MAPK10: variants seen among roughly 807,000 people sequenced by gnomAD.
MAPK10 encodes the protein mitogen-activated protein kinase 10, also known as JNK3 alpha protein kinase.
In MAPK10, 25 loss-of-function variants were observed where a neutral mutation model predicts 59.3. The ratio of observed to expected loss-of-function variants is 0.42; its 90% CI spans 0.31 to 0.59. The LOEUF is 0.59. Among genes scored for constraint, MAPK10 ranks in the 20% least tolerant of loss-of-function variants. The probability of loss-of-function intolerance (pLI) is 0.15; values close to 1 mark genes in which losing one functional copy is unlikely to be tolerated. For missense variants in MAPK10, 351 were observed against 568.9 expected, an observed-to-expected ratio of 0.62 and a Z score of 3.90; for synonymous variants, 190 against 200.5, an observed-to-expected ratio of 0.95 and a Z score of 0.44.
chr4:86,376,031 A>G (rs1223015395), intron 1 of MAPK10, among the ~76,000 whole-genome samples: 1 of 152,200 alleles, frequency 6.6e-6, no homozygotes, highest in African/African-American at 2.4e-5. Context: ...TCATTCTACC[A>G]TTAAATATTA....
chr4:86,023,570 T>C (rs1341842542), intron 13 of MAPK10, among the ~76,000 whole-genome samples: 1 of 152,072 alleles, frequency 6.6e-6, no homozygotes, highest in Non-Finnish European at 1.5e-5. Context: ...CCATGAGCAA[T>C]GAAATGTTTT....
intron 2 of MAPK10, among the ~76,000 whole-genome samples, chr4:86,303,753 T>A (rs867868840): frequency 4.6e-5 from 7 of 152,184 alleles, no homozygotes; most frequent in Non-Finnish European, 1.0e-4. Flanking sequence ...TGAACACGTG[T>A]CAAATATTTT....
chr4:86,570,771 G>C (rs555947932), intron 1 of MAPK10, among the ~76,000 whole-genome samples: 1 of 152,238 alleles, frequency 6.6e-6, no homozygotes, highest in South Asian at 2.1e-4. Flanking sequence ...AGACTTCCTG[G>C]AGTAGGTGAC....
chr4:86,200,662 C>T (rs912945899), intron 2 of MAPK10, among the ~76,000 whole-genome samples: 23 of 149,022 alleles, frequency 1.5e-4, no homozygotes, highest in Admixed American at 7.4e-4. Context: ...AGGGAAAATG[C>T]GTAGAGAAGA....
At chr4:86,447,387 C>G (rs1413535498) in intron 1 of MAPK10, among the ~76,000 whole-genome samples, 11 of 152,176 alleles carry the variant, frequency 7.2e-5, no homozygotes, top group Admixed American at 2.0e-4. Context: ...AGTTAAACCT[C>G]TTTCCTTTAT....
chr4:86,278,537 C>T (rs1235659406), intron 2 of MAPK10, among the ~76,000 whole-genome samples: 3 of 151,818 alleles, frequency 2.0e-5, no homozygotes, highest in Non-Finnish European at 2.9e-5. Context: ...CAGCAAAACC[C>T]GCTAGTAAAA....
rs567529751 is a variant in MAPK10 at position 86,015,771 on chromosome 4, A to C, written c.*1457T>G. 5.9e-5 allele frequency: 9 copies of C among 152,312 alleles called. No individual in the cohort carries two copies. The South Asian group carries it at 1.9e-3, about 32-fold the overall frequency. 9.4% of individuals were successfully genotyped at this position (152,312 alleles called of 1,614,324 possible). A position where few individuals can be genotyped will look rare whatever the true frequency, so the allele number is the denominator to read the frequency against. On this transcript the variant is annotated 3_prime_UTR_variant, in exon 14 of 14. Transcript: ENST00000641462. ...TTATTGCTCTTACATCTACTGCAGT[A>C]CAAAACTCAGATGATCAGCCCTTCG...
At chr4:86,111,044 A>G (rs916134254) in intron 4 of MAPK10, among the ~76,000 whole-genome samples, 1 of 152,140 alleles carries the variant, frequency 6.6e-6, no homozygotes, top group Admixed American at 6.6e-5. Flanking sequence ...ATTGGTGTAT[A>G]GAAATGCATG....
intron 1 of MAPK10, among the ~76,000 whole-genome samples, chr4:86,415,807 T>G (rs1414437583): frequency 6.6e-6 from 1 of 152,196 alleles, no homozygotes; most frequent in Admixed American, 6.5e-5. Context: ...CAGAATCTTA[T>G]AGGAACTTAC....
intron 11 of MAPK10, among the ~76,000 whole-genome samples, chr4:86,032,982 CT>C (rs2039406112): frequency 6.6e-6 from 1 of 152,046 alleles, no homozygotes; most frequent in Admixed American, 6.6e-5. Context: ...CAAAATGAGA[CT>C]CTCACACCAC....
intron 1 of MAPK10, among the ~76,000 whole-genome samples, chr4:86,497,798 C>CA (rs1181923989): frequency 2.0e-5 from 3 of 152,174 alleles, no homozygotes; most frequent in Admixed American, 2.0e-4. Context: ...CGCTAACAAT[C>CA]AGCACTTGCA....
intron 9 of MAPK10, among the ~76,000 whole-genome samples, chr4:86,087,835 CAA>C (rs1217086547): frequency 2.6e-5 from 4 of 151,850 alleles, no homozygotes; most frequent in Non-Finnish European, 5.9e-5. Context: ...TATTAATCCT[CAA>C]GTGTGTATAT....
Position 86,067,893 on chromosome 4 carries a change from T to G in MAPK10, c.865A>C (p.Lys289Gln). ...TAGTTTCTTACTGTGGGTTGCAATT[T>G]CTTCATGAATTCTGGACATGGTGTT... ...LGTPCPEFMKKLQPTVRNYVE... is the reference protein window; with the variant it reads ...LGTPCPEFMKQLQPTVRNYVE... The change falls in exon 10 of 14, where the codon AAA becomes CAA. Residue 289 changes from lysine to glutamine, a missense_variant. This residue lies in a region of MAPK10 where 76 missense variants were observed against 197.9 expected (regional missense o/e 0.38). Coordinates refer to ENST00000641462, the MANE Select transcript of MAPK10 (RefSeq NM_138982.4). The G allele has an allele frequency of 6.2e-7, 1 of 1,614,020 alleles. No individual in the cohort carries two copies. The highest frequency in any genetic ancestry group is 8.5e-7 in the Non-Finnish European group (1 of 1,179,904).
intron 1 of MAPK10, among the ~76,000 whole-genome samples, chr4:86,383,925 CTTT>C (rs1741102921): frequency 6.6e-6 from 1 of 152,146 alleles, no homozygotes. Context: ...GATTTATCTT[CTTT>C]GATTAATTTT....
At chr4:86,402,911 G>A (rs1743904687) in intron 1 of MAPK10, among the ~76,000 whole-genome samples, 1 of 152,136 alleles carries the variant, frequency 6.6e-6, no homozygotes, top group Admixed American at 6.6e-5. Flanking sequence ...GGATTTCAGA[G>A]AGCAGCATCT....
At chr4:86,486,693 T>C (rs900895412) in intron 1 of MAPK10, among the ~76,000 whole-genome samples, 23 of 152,236 alleles carry the variant, frequency 1.5e-4, no homozygotes, top group Non-Finnish European at 1.3e-4. Context: ...GAATTATCTT[T>C]GGATGCAAAG....
At chr4:86,535,389 T>C (rs1758158470) in intron 1 of MAPK10, among the ~76,000 whole-genome samples, 2 of 152,224 alleles carry the variant, frequency 1.3e-5, no homozygotes, top group Non-Finnish European at 2.9e-5. Context: ...ACATTAACAA[T>C]ACACTTAATT....
chr4:86,167,530 C>T lies in MAPK10; in HGVS notation c.67-8063G>A, dbSNP rs574074918. 1.4e-4 allele frequency among the ~76,000 whole-genome samples: 21 copies of T among 152,262 alleles called. No individual in the cohort carries two copies. In the South Asian group the frequency reaches 2.9e-3, roughly 21 times the overall value. On this transcript the variant is annotated intron_variant, in intron 3 of 13. Transcript: ENST00000641462. ...AAAAGCTTATCCTACACAATCGAGT[C>T]GGCTTCATCCCTGGGATGCAAGGGT...
At position 86,389,078 on chromosome 4, in the gene MAPK10, T is replaced by C. The variant is rs561816264; in HGVS notation, c.-121-34434A>G. On this transcript the variant is annotated intron_variant, in intron 1 of 13. Coordinates refer to the MAPK10 transcript ENST00000361569. ...GGAGGTGGGACCTGGTGGGAGATGA[T>C]TGGATCATGGGGCTGGATCTCCCGC... Among the ~76,000 whole-genome samples, 11 of 152,286 alleles carry C rather than the reference T, an allele frequency of 7.2e-5. No homozygotes were observed. In the East Asian group the frequency reaches 2.1e-3, roughly 29 times the overall value.
Sources: allele counts gnomAD v4.1 joint callset (sites outside exome capture counted in the v4.1 genomes callset), GRCh38; gene constraint gnomAD v4.1.1; regional missense constraint gnomAD v4.1.1; transcripts MANE v1.5; gene names NCBI Gene and HGNC (gene_info 2026-07-23, HGNC 2026-07-21).